DIAPH3: variants seen among roughly 807,000 people sequenced by gnomAD.
DIAPH3 encodes protein diaphanous homolog 3.
Under a neutral mutation model 144.3 loss-of-function variants are expected in DIAPH3, and 117 were observed. The ratio of observed to expected loss-of-function variants is 0.81; its 90% CI spans 0.70 to 0.95. The LOEUF is 0.95. Among genes scored for constraint, DIAPH3 ranks in the 40% least tolerant of loss-of-function variants. The probability of loss-of-function intolerance (pLI) is 0.00; values close to 1 mark genes in which losing one functional copy is unlikely to be tolerated. For missense variants in DIAPH3, 1,421 were observed against 1,412.7 expected, an observed-to-expected ratio of 1.01 and a Z score of -0.09; for synonymous variants, 519 against 488.9, an observed-to-expected ratio of 1.06 and a Z score of -0.81.
intron 1 of DIAPH3, among the ~76,000 whole-genome samples, chr13:60,141,173 A>C (rs1385668082): frequency 6.6e-6 from 1 of 152,210 alleles, no homozygotes; most frequent in Non-Finnish European, 1.5e-5. Flanking sequence ...TTTATTGTAA[A>C]TGTAAATGAT....
intron 20 of DIAPH3, among the ~76,000 whole-genome samples, chr13:59,886,071 T>C (rs999101319): frequency 6.6e-6 from 1 of 152,182 alleles, no homozygotes; most frequent in Non-Finnish European, 1.5e-5. Flanking sequence ...AATGTATACC[T>C]AACCTAAAAC....
At chr13:59,894,507 C>A (rs866419199) in intron 20 of DIAPH3, among the ~76,000 whole-genome samples, 4 of 150,052 alleles carry the variant, frequency 2.7e-5, no homozygotes, top group Admixed American at 1.3e-4. Flanking sequence ...AAGACCACAG[C>A]AGACATAGTC....
chr13:60,134,919 T>C (rs2059230366), intron 1 of DIAPH3, among the ~76,000 whole-genome samples: 1 of 152,032 alleles, frequency 6.6e-6, no homozygotes, highest in South Asian at 2.1e-4. Context: ...AAGTGATATT[T>C]TAAAAAGTAA....
chr13:60,024,370 G>A (rs933998671), intron 5 of DIAPH3, among the ~76,000 whole-genome samples: 1 of 151,928 alleles, frequency 6.6e-6, no homozygotes, highest in Non-Finnish European at 1.5e-5. Context: ...TCAGCCTCAT[G>A]TTTCGCTTTT....
chr13:59,832,258 A>G (rs2041816432), intron 24 of DIAPH3, among the ~76,000 whole-genome samples: 1 of 151,806 alleles, frequency 6.6e-6, no homozygotes, highest in African/African-American at 2.4e-5. Flanking sequence ...TTTTCCTTTA[A>G]AAATAGTGTT....
intron 2 of DIAPH3, among the ~76,000 whole-genome samples, chr13:60,128,120 C>T (rs2059036626): frequency 6.6e-6 from 1 of 152,060 alleles, no homozygotes; most frequent in South Asian, 2.1e-4. Flanking sequence ...TCCATGTGTT[C>T]TCATCATTTA....
chr13:59,744,137 T>G (rs996119561), intron 27 of DIAPH3, among the ~76,000 whole-genome samples: 5 of 152,196 alleles, frequency 3.3e-5, no homozygotes, highest in Non-Finnish European at 5.9e-5. Flanking sequence ...TTTCTGCATG[T>G]ATATAACTTT....
intron 27 of DIAPH3, among the ~76,000 whole-genome samples, chr13:59,767,832 T>G (rs554340468): frequency 6.6e-6 from 1 of 152,358 alleles, no homozygotes; most frequent in South Asian, 2.1e-4. Flanking sequence ...TTGCTATTTC[T>G]TGCATAAATG....
chr13:59,733,815 T>C (rs1057392427), intron 27 of DIAPH3, among the ~76,000 whole-genome samples: 1 of 152,232 alleles, frequency 6.6e-6, no homozygotes, highest in Admixed American at 6.5e-5. Context: ...AGCACCATGT[T>C]CTTTCCAATT....
chr13:60,112,165 T>C lies in DIAPH3; in HGVS notation c.235A>G (p.Arg79Gly), dbSNP rs768179657. Residue 79 changes from arginine (R) to glycine (G), a missense_variant, in exon 3 of 28, where the codon AGA (arginine) becomes GGA (glycine). Coordinates refer to ENST00000400324, the MANE Select transcript of DIAPH3 (RefSeq NM_001042517.2). Reference sequence around the variant, plus strand: ...CTCTCTTTCTTGCTCCCTGGAATTCTTATGCTGGCAAATTTGTCCAGCTAC... The same window carrying C: ...CTCTCTTTCTTGCTCCCTGGAATTCCTATGCTGGCAAATTTGTCCAGCTAC... ...DDMLDKFASI[R>G]IPGSKKERPP... 6.2e-7 allele frequency: 1 copy of C among 1,614,110 alleles called. No individual in the cohort carries two copies. Among genetic ancestry groups the C allele is most frequent in the South Asian group, 1.1e-5 (1 of 91,084 alleles).
chr13:59,851,638 T>A (rs916670287), intron 22 of DIAPH3, among the ~76,000 whole-genome samples: 29 of 144,670 alleles, frequency 2.0e-4, no homozygotes, highest in African/African-American at 7.5e-4. Flanking sequence ...GATGAATCTT[T>A]TTTTTTTTTT....
At chr13:59,807,793 G>A (rs902093277) in intron 25 of DIAPH3, among the ~76,000 whole-genome samples, 5 of 152,008 alleles carry the variant, frequency 3.3e-5, no homozygotes, top group African/African-American at 7.2e-5. Flanking sequence ...TATGATTAAC[G>A]AAAGATATAA....
In DIAPH3 at chr13:60,163,922, C is replaced by T. The variant is rs1460417713; in HGVS notation, c.-156G>A. 1.0e-6 allele frequency: 1 copy of T among 981,520 alleles called. No homozygotes were observed. Among genetic ancestry groups the T allele is most frequent in the Non-Finnish European group, 1.5e-6 (1 of 686,584 alleles). The allele number at this position is 981,520 out of a possible 1,614,324, so 60.8% of individuals were successfully genotyped here. A position where few individuals can be genotyped will look rare whatever the true frequency, so the allele number is the denominator to read the frequency against. On this transcript the variant is annotated 5_prime_UTR_variant, in exon 1 of 28. Transcript: ENST00000400324. The stretch of plus-strand genomic sequence containing the variant: ...CCGCTGAAGTCGGGGCCGCAGCCAA[C>T]ACATCTGAAAACTCCCGCCACCCGT...
In DIAPH3 at chr13:59,872,645, C is replaced by T. The variant is rs942990779; in HGVS notation, c.2607+6584G>A. 2.6e-5 allele frequency among the ~76,000 whole-genome samples: 4 copies of T among 152,302 alleles called. No homozygotes were observed. In the East Asian group the frequency reaches 5.8e-4, roughly 22 times the overall value. On this transcript the variant is annotated intron_variant, in intron 21 of 27. Transcript: ENST00000400324. The stretch of plus-strand genomic sequence containing the variant: ...CCCTTGATAAAGGAGAGGTAAGACA[C>T]TTCTTAGAGTATCAGGAATGGAGTG...
chr13:59,825,590 A>T (rs2041359365), intron 24 of DIAPH3, among the ~76,000 whole-genome samples: 1 of 152,204 alleles, frequency 6.6e-6, no homozygotes, highest in Non-Finnish European at 1.5e-5. Flanking sequence ...TTCTAGTTCT[A>T]GATCCCTGAG....
Position 59,783,730 on chromosome 13 carries a change from A to G in DIAPH3, c.3164-8907T>C, listed in dbSNP as rs117352468. 6.3e-3 allele frequency among the ~76,000 whole-genome samples: 963 copies of G among 152,322 alleles called. 3 individuals carry two copies. The highest frequency in any genetic ancestry group is 8.4e-3 in the Non-Finnish European group (569 of 68,022). ...TGAAAGGGCAAGAAGAACAGCACCT[A>G]TTTCACAAAATATTGAGAGGATTAA... On this transcript the variant is annotated intron_variant, in intron 25 of 27. Coordinates refer to ENST00000400324, the MANE Select transcript of DIAPH3 (RefSeq NM_001042517.2).
chr13:59,959,831 C>T (rs113379146), intron 17 of DIAPH3, among the ~76,000 whole-genome samples: 14 of 152,250 alleles, frequency 9.2e-5, no homozygotes, highest in African/African-American at 3.1e-4. Context: ...TGTGTTATAG[C>T]AGCAATAGAA....
intron 5 of DIAPH3, among the ~76,000 whole-genome samples, chr13:60,021,462 T>C (rs1413699187): frequency 1.3e-5 from 2 of 152,000 alleles, no homozygotes; most frequent in Admixed American, 6.5e-5. Context: ...CCGTTTCTAC[T>C]AAAAATACAA....
chr13:59,773,541 C>G (rs1017896688), intron 27 of DIAPH3, among the ~76,000 whole-genome samples: 9 of 151,990 alleles, frequency 5.9e-5, no homozygotes, highest in Non-Finnish European at 8.8e-5. Context: ...GGACATAACA[C>G]AGAGGGAAAA....
Sources: allele counts gnomAD v4.1 joint callset (sites outside exome capture counted in the v4.1 genomes callset), GRCh38; gene constraint gnomAD v4.1.1; transcripts MANE v1.5; gene names NCBI Gene and HGNC (gene_info 2026-07-23, HGNC 2026-07-21).